Variants in XPO5 observed in about 807,000 individuals in gnomAD.
XPO5 encodes exportin-5.
Under a neutral mutation model 160.6 loss-of-function variants are expected in XPO5, and 46 were observed. The observed-to-expected ratio is 0.29, with a 90% CI of 0.23 to 0.37. The LOEUF (loss-of-function observed/expected upper bound fraction) is 0.37, where lower values mean the gene tolerates loss of function less well. Among genes scored for constraint, XPO5 ranks in the 10% least tolerant of loss-of-function variants. XPO5 has a pLI of 1.00. For missense variants in XPO5, 1,090 were observed against 1,463.9 expected (o/e 0.74, Z 4.17); for synonymous variants, 537 against 519.3 (o/e 1.03, Z -0.46).
chr6:43,555,702 C>T, intron 13 of XPO5, 134 bp downstream of exon 13: 1 of 1,118,346 alleles, frequency 8.9e-7, no homozygotes, highest in Admixed American at 3.2e-5. Flanking sequence ...GCTCCCTCTC[C>T]AGGATGAGCA....
intron 23 of XPO5, chr6:43,529,157 A>T: frequency 7.1e-7 from 1 of 1,416,432 alleles, no homozygotes; most frequent in Non-Finnish European, 9.7e-7. Context: ...GCTGCACATT[A>T]TGGTCACTGG....
chr6:43,574,649 C>T (rs1212214913), intron 1 of XPO5, among the ~76,000 whole-genome samples: 2 of 152,018 alleles, frequency 1.3e-5, no homozygotes, highest in African/African-American at 2.4e-5. Flanking sequence ...CCCTGACGTA[C>T]ATAGGGGTGA....
chr6:43,527,721 C>T lies in XPO5; in HGVS notation c.2833G>A (p.Glu945Lys), dbSNP rs375072367. 1.9e-6 allele frequency: 3 copies of T among 1,613,872 alleles called. No homozygotes were observed. The highest frequency in any genetic ancestry group is 3.3e-5 in the Admixed American group (2 of 60,006). Residue 945 changes from glutamate (E) to lysine (K), a missense_variant, in exon 26 of 32, where the codon GAG becomes AAG. This residue lies in a region of XPO5 where 810 missense variants were observed against 1,139.0 expected (regional missense o/e 0.71). Coordinates refer to ENST00000265351, the MANE Select transcript of XPO5 (RefSeq NM_020750.3). Reference sequence around the variant, plus strand: ...GACTCTGGGTTTTCATCTGCAGCCTCATCTTCTCCACTGCAGAAAACCAGG... The same window carrying T: ...GACTCTGGGTTTTCATCTGCAGCCTTATCTTCTCCACTGCAGAAAACCAGG... The part of the protein sequence containing the change: ...NQRSLLCGED[E>K]AADENPESQE...
intron 19 of XPO5, 114 bp from the exon 20 acceptor site, chr6:43,546,866 G>T: frequency 3.8e-6 from 4 of 1,047,814 alleles, no homozygotes; most frequent in Non-Finnish European, 5.4e-6. Flanking sequence ...CAGAGAGAAT[G>T]AAATAATCCT....
chr6:43,567,705 G>A (rs1001661448), intron 6 of XPO5, among the ~76,000 whole-genome samples: 1 of 151,592 alleles, frequency 6.6e-6, no homozygotes, highest in South Asian at 2.1e-4. Flanking sequence ...AACAGCCTGG[G>A]CAACATGGCA....
rs778418013 is a variant in XPO5 at position 43,573,474 on chromosome 6, C to A, written c.227+6G>T. 1.9e-6 allele frequency: 3 copies of A among 1,612,770 alleles called. No homozygotes were observed. The highest frequency in any genetic ancestry group is 1.7e-6 in the Non-Finnish European group (2 of 1,179,108). ...ACTTCAGTGGTAATGTCCAAGAGCT[C>A]CTTACTTGACAACGTGTTCCAGGAT... On this transcript the variant is annotated splice_donor_region_variant and intron_variant, in intron 2 of 31. Transcript: ENST00000265351.
intron 14 of XPO5, among the ~76,000 whole-genome samples, chr6:43,552,876 T>G (rs112902291): frequency 5.9e-5 from 9 of 152,178 alleles, no homozygotes; most frequent in Non-Finnish European, 1.2e-4. Flanking sequence ...ATACTAAATG[T>G]GGTAGTGCTT....
chr6:43,528,216 AC>A lies in XPO5; in HGVS notation c.2776-12del. Reference sequence around the variant, plus strand: ...TTTCTGAGAAAGCCTCTGGGAAAACACAAAGGAAATAAATGCTAGAATTGGG... The same window carrying A: ...TTTCTGAGAAAGCCTCTGGGAAAACAAAAGGAAATAAATGCTAGAATTGGG... On this transcript the variant is annotated splice_polypyrimidine_tract_variant and intron_variant, in intron 24 of 31. Coordinates refer to ENST00000265351, the MANE Select transcript of XPO5 (RefSeq NM_020750.3). 6.3e-7 allele frequency: 1 copy of A among 1,586,142 alleles called. No individual in the cohort carries two copies. The highest frequency in any genetic ancestry group is 8.6e-7 in the Non-Finnish European group (1 of 1,165,356).
At chr6:43,562,156 A>T in intron 9 of XPO5, 91 bp downstream of exon 9, 1 of 985,606 alleles carries the variant, frequency 1.0e-6, no homozygotes, top group Non-Finnish European at 1.5e-6. Flanking sequence ...GCTAAAATCA[A>T]TGACATTTGC....
intron 13 of XPO5, chr6:43,553,803 G>A (rs1021653063): frequency 8.3e-6 from 2 of 240,398 alleles, no homozygotes; most frequent in Non-Finnish European, 1.5e-5. Context: ...ATGAGAATAC[G>A]CAGGTGAACA....
At position 43,525,170 on chromosome 6, in the gene XPO5, G is replaced by C; in HGVS notation, c.3111C>G (p.Ala1037=). The C allele has an allele frequency of 6.3e-7, 1 of 1,585,412 alleles. No homozygotes were observed. Residue 1037 remains alanine, a synonymous_variant, in exon 29 of 32, where the codon GCC becomes GCG. Coordinates refer to ENST00000265351, the MANE Select transcript of XPO5 (RefSeq NM_020750.3). ...ALLITAFNSL[A]WKDTLSCQRT... Reference sequence around the variant, plus strand: ...TCTGGCAGGACAGAGTATCTTTCCAGGCCAGGGAATTGAAGGCTGTAATTA... The same window carrying C: ...TCTGGCAGGACAGAGTATCTTTCCACGCCAGGGAATTGAAGGCTGTAATTA...
At position 43,528,911 on chromosome 6, in the gene XPO5, G is replaced by A. The variant is rs1305764977; in HGVS notation, c.2692C>T (p.Pro898Ser). Reference protein sequence around the residue: ...LRPMLRVFVKPLVLFCPPEHY... With the variant: ...LRPMLRVFVKSLVLFCPPEHY... ...TCTGGGGGACAGAAGAGCACCAGAG[G>A]CTTTACAAAGACACGTGCTGCAACA... Residue 898 changes from proline (P) to serine (S), a missense_variant, in exon 24 of 32, where the codon CCT (proline) becomes TCT (serine). Around this residue, in one of 3 missense-constraint regions of XPO5, gnomAD observed 810 missense variants for 1,139.0 expected, o/e 0.71. Coordinates refer to ENST00000265351, the MANE Select transcript of XPO5 (RefSeq NM_020750.3). 1 of 1,612,700 alleles carries A rather than the reference G, an allele frequency of 6.2e-7. No individual in the cohort carries two copies. Among genetic ancestry groups the A allele is most frequent in the Non-Finnish European group, 8.5e-7 (1 of 1,179,638 alleles).
chr6:43,550,090 A>G (rs1338436983), intron 15 of XPO5, among the ~76,000 whole-genome samples, 156 bp from the exon 16 acceptor site: 1 of 152,136 alleles, frequency 6.6e-6, no homozygotes, highest in Non-Finnish European at 1.5e-5. Flanking sequence ...GCTTATTCAT[A>G]CTGTCCATTT....
chr6:43,573,684 A>T, intron 1 of XPO5, 83 bp from the exon 2 acceptor site: 6 of 1,490,218 alleles, frequency 4.0e-6, no homozygotes, highest in Non-Finnish European at 5.4e-6. Flanking sequence ...AACTCCAACC[A>T]GGGCCGGGTG....
chr6:43,548,236 A>G, intron 18 of XPO5, 25 bp downstream of exon 18: 1 of 1,559,150 alleles, frequency 6.4e-7, no homozygotes, highest in Non-Finnish European at 8.7e-7. Context: ...GTATAGTAAG[A>G]GTCAGGGCAA....
chr6:43,573,874 A>C (rs1439859749), intron 1 of XPO5, among the ~76,000 whole-genome samples: 4 of 145,914 alleles, frequency 2.7e-5, no homozygotes, highest in African/African-American at 1.0e-4. Context: ...CCCAGGCTGG[A>C]ATGCAATGGC....
At chr6:43,548,193 G>A in intron 18 of XPO5, 68 bp downstream of exon 18, 1 of 1,458,138 alleles carries the variant, frequency 6.9e-7, no homozygotes, top group African/African-American at 1.4e-5. Flanking sequence ...ACCCCACCCT[G>A]GGCCTAGCTC....
intron 1 of XPO5, among the ~76,000 whole-genome samples, chr6:43,574,415 A>G (rs1763183478): frequency 6.7e-6 from 1 of 150,152 alleles, no homozygotes; most frequent in African/African-American, 2.4e-5. Context: ...TAAAAATAAA[A>G]ATATAAAATA....
intron 5 of XPO5, among the ~76,000 whole-genome samples, 191 bp downstream of exon 5, chr6:43,570,311 C>CAAAAAAAAAAAA (rs70990200): frequency 5.2e-5 from 4 of 77,188 alleles, no homozygotes; most frequent in Non-Finnish European, 5.2e-5. Flanking sequence ...GCCTCCGTCT[C>CAAAAAAAAAAAA]AAAAAAAAAA....
Sources: allele counts gnomAD v4.1 joint callset (sites outside exome capture counted in the v4.1 genomes callset), GRCh38; gene constraint gnomAD v4.1.1; regional missense constraint gnomAD v4.1.1; transcripts MANE v1.5; gene names NCBI Gene and HGNC (gene_info 2026-07-23, HGNC 2026-07-21).